The following ADD2 variants were observed in gnomAD, a reference collection of about 807,000 sequenced individuals.
ADD2 encodes the protein beta-adducin.
A neutral mutation model predicts 83.0 loss-of-function variants in ADD2; 23 were observed. The observed-to-expected ratio is 0.28, with a 90% CI of 0.20 to 0.39. The LOEUF (loss-of-function observed/expected upper bound fraction) is 0.39, where lower values mean the gene tolerates loss of function less well. Among genes scored for constraint, ADD2 ranks in the 10% least tolerant of loss-of-function variants. ADD2 has a pLI of 1.00. For missense variants in ADD2, 758 were observed against 944.9 expected (o/e 0.80, Z 2.59); for synonymous variants, 375 against 375.4 (o/e 1.00, Z 0.01).
At chr2:70,767,597 G>T in intron 1 of ADD2, 1 of 1,245,684 alleles carries the variant, frequency 8.0e-7, no homozygotes, top group Non-Finnish European at 1.0e-6. Context: ...CCAAAAGAAA[G>T]CCCCACCTGT....
At position 70,671,130 on chromosome 2, in the gene ADD2, T is replaced by G. The variant is rs549277736; in HGVS notation, c.1870+1748A>C. 3.0e-4 allele frequency among the ~76,000 whole-genome samples: 45 copies of G among 152,172 alleles called. 2 individuals carry two copies. The South Asian group carries it at 9.1e-3, about 31-fold the overall frequency. ...CCTAGCAGACCAGGCCCTCTATGCA[T>G]CCTTATAAGGCAGTTCAGGCTCTAG... On this transcript the variant is annotated intron_variant, in intron 15 of 15. Transcript: ENST00000264436.
intron 14 of ADD2, chr2:70,673,288 C>G: frequency 2.5e-6 from 4 of 1,614,088 alleles, no homozygotes; most frequent in Non-Finnish European, 3.4e-6. Flanking sequence ...AACTCGCACA[C>G]GGCCGGACCA....
intron 1 of ADD2, among the ~76,000 whole-genome samples, chr2:70,761,724 T>TA (rs1675111076): frequency 6.7e-6 from 1 of 149,590 alleles, no homozygotes; most frequent in African/African-American, 2.5e-5. Flanking sequence ...CAGGCTGGAG[T>TA]GCAGTGGTGC....
chr2:70,757,227 G>C (rs974491452), intron 1 of ADD2, among the ~76,000 whole-genome samples: 2 of 151,812 alleles, frequency 1.3e-5, no homozygotes, highest in African/African-American at 4.8e-5. Flanking sequence ...GGATACAGAG[G>C]TATCTACAGC....
chr2:70,702,422 C>T (rs894582236), intron 4 of ADD2, among the ~76,000 whole-genome samples: 8 of 152,196 alleles, frequency 5.3e-5, no homozygotes, highest in African/African-American at 1.9e-4. Context: ...CTGCTTTGGC[C>T]TCCCAAAGTG....
rs1553374089 is a variant in ADD2, at chr2:70,704,478, T to C, written c.184-19A>G. On this transcript the variant is annotated intron_variant, in intron 3 of 15. Transcript: ENST00000264436. ...TGAAAGACTGAAGCAGGCCCCGAGG[T>C]GCTTGTCCCCCCACAGCCTCTCACA... The C allele has an allele frequency of 6.2e-7, 1 of 1,613,072 alleles. No homozygotes were observed. Among genetic ancestry groups the C allele is most frequent in the African/African-American group, 1.3e-5 (1 of 74,934 alleles).
chr2:70,672,499 C>G (rs1669935744), intron 15 of ADD2, among the ~76,000 whole-genome samples: 1 of 152,150 alleles, frequency 6.6e-6, no homozygotes, highest in African/African-American at 2.4e-5. Flanking sequence ...CATCTTAGGC[C>G]ACATCCCAGA....
chr2:70,755,291 A>G (rs1402785812), intron 1 of ADD2, among the ~76,000 whole-genome samples: 1 of 152,158 alleles, frequency 6.6e-6, no homozygotes, highest in Non-Finnish European at 1.5e-5. Context: ...GCATAATGAA[A>G]ATGCCTGCAA....
chr2:70,695,500 C>T (rs1671261479), intron 6 of ADD2, among the ~76,000 whole-genome samples: 3 of 152,136 alleles, frequency 2.0e-5, no homozygotes, highest in African/African-American at 7.2e-5. Context: ...TCTCCACTCC[C>T]TCCTCCCTCC....
At chr2:70,689,057 C>G (rs544440584) in intron 8 of ADD2, among the ~76,000 whole-genome samples, 2 of 151,896 alleles carry the variant, frequency 1.3e-5, no homozygotes, top group South Asian at 2.1e-4. Flanking sequence ...GAGATCGCAC[C>G]ATTGTACCCC....
intron 1 of ADD2, among the ~76,000 whole-genome samples, chr2:70,743,916 T>C (rs897856204): frequency 1.3e-5 from 2 of 152,234 alleles, no homozygotes; most frequent in East Asian, 3.8e-4. Context: ...TGCTAGGTCA[T>C]AGCCATCCAG....
chr2:70,761,191 G>A (rs912883509), intron 1 of ADD2, among the ~76,000 whole-genome samples: 65 of 150,224 alleles, frequency 4.3e-4, no homozygotes, highest in African/African-American at 1.5e-3. Flanking sequence ...AAACATAAAT[G>A]TCAAAAATAA....
At chr2:70,731,599 G>A (rs1203371277) in intron 1 of ADD2, among the ~76,000 whole-genome samples, 5 of 152,244 alleles carry the variant, frequency 3.3e-5, no homozygotes, top group South Asian at 2.1e-4. Flanking sequence ...GAATTGGTTC[G>A]GTGCATGTAC....
chr2:70,673,136 G>A lies in ADD2; in HGVS notation c.1742-130C>T, dbSNP rs571415526. On this transcript the variant is annotated intron_variant, in intron 14 of 15. Coordinates refer to ENST00000264436, the MANE Select transcript of ADD2 (RefSeq NM_001617.4). ...CTCCTGGCTGATAATGAGACTTCTA[G>A]CTGAAGTTAGCTCCTCCCCCTGACC... The A allele has an allele frequency of 1.3e-5, 20 of 1,532,056 alleles. No individual in the cohort carries two copies. In the East Asian group the frequency reaches 4.1e-4, roughly 31 times the overall value. The allele number at this position is 1,532,056 out of a possible 1,614,324, so 94.9% of individuals were successfully genotyped here. A position where few individuals can be genotyped will look rare whatever the true frequency, so the allele number is the denominator to read the frequency against.
At chr2:70,674,406 G>T (rs1037767721) in intron 14 of ADD2, among the ~76,000 whole-genome samples, 33 of 152,148 alleles carry the variant, frequency 2.2e-4, no homozygotes, top group African/African-American at 8.0e-4. Context: ...AAATTGATCT[G>T]GTGTTTACTG....
At chr2:70,704,263 T>TGGGCCCCCCCCC in intron 4 of ADD2, 58 bp downstream of exon 4, 5 of 913,236 alleles carry the variant, frequency 5.5e-6, no homozygotes, top group South Asian at 1.5e-5. Context: ...CTCCCTCTCT[T>TGGGCCCCCCCCC]CCCCACCCCA....
chr2:70,734,665 G>C (rs1266630704), intron 1 of ADD2, among the ~76,000 whole-genome samples: 10 of 152,234 alleles, frequency 6.6e-5, no homozygotes, highest in African/African-American at 2.4e-4. Context: ...TTGGGGATAT[G>C]CTCTGTGGAA....
Position 70,663,264 on chromosome 2 carries a change from G to A in ADD2, c.*161C>T. 1.2e-6 allele frequency: 1 copy of A among 824,238 alleles called. No homozygotes were observed. Among genetic ancestry groups the A allele is most frequent in the Non-Finnish European group, 1.9e-6 (1 of 533,012 alleles). The allele number at this position is 824,238 out of a possible 1,614,324, so 51.1% of individuals were successfully genotyped here. ...GTCACCTGATTTCTCTTGGGCAACT[G>A]TAAAACGAAGGGTTGGTCGGGTGAT... is the stretch of plus-strand genomic sequence containing the variant. On this transcript the variant is annotated 3_prime_UTR_variant, in exon 16 of 16. Transcript: ENST00000264436.
Position 70,663,378 on chromosome 2 carries a change from A to T in ADD2, c.*47T>A. ...GCAGGGACAGAGATGGGAGAAGGGA[A>T]GGGGAGGAGAGAGAGGAGGCAGGAG... On this transcript the variant is annotated 3_prime_UTR_variant, in exon 16 of 16. Transcript: ENST00000264436. The T allele has an allele frequency of 4.5e-6, 7 of 1,545,672 alleles. No homozygotes were observed. The highest frequency in any genetic ancestry group is 6.2e-6 in the Non-Finnish European group (7 of 1,133,216).
Sources: gnomAD v4.1 joint callset for allele counts (sites outside exome capture counted in the v4.1 genomes callset) on GRCh38, gnomAD v4.1.1 for gene constraint, MANE v1.5 for transcripts, NCBI Gene and HGNC (gene_info 2026-07-23, HGNC 2026-07-21) for gene names.